CHRAC1: variants seen among roughly 807,000 people sequenced by gnomAD.
CHRAC1 encodes the protein chromatin accessibility complex protein 1.
In CHRAC1, 6 loss-of-function variants were observed where a neutral mutation model predicts 9.1. The observed-to-expected ratio is 0.66, with a 90% confidence interval of 0.36 to 1.29. The LOEUF (loss-of-function observed/expected upper bound fraction) is 1.29. Among genes scored for constraint, CHRAC1 ranks in the 50% most tolerant of loss-of-function variants. CHRAC1 has a pLI of 0.03. For missense variants in CHRAC1, 168 were observed against 163.5 expected (o/e 1.03, Z -0.15); for synonymous variants, 73 against 64.5 (o/e 1.13, Z -0.63).
intron 1 of CHRAC1, chr8:140,512,158 T>G (rs2072283806): frequency 4.1e-6 from 2 of 489,076 alleles, no homozygotes; most frequent in Admixed American, 7.0e-5. Flanking sequence ...CTCATTTGGG[T>G]TCTTTGGGGG....
At chr8:140,514,569 C>G in intron 2 of CHRAC1, 74 bp downstream of exon 2, 1 of 1,285,302 alleles carries the variant, frequency 7.8e-7, no homozygotes, top group Non-Finnish European at 1.0e-6. Flanking sequence ...CCTTGCCTCC[C>G]TTCTGCTCTC....
At position 140,515,305 on chromosome 8, in the gene CHRAC1, C is replaced by T. The variant is rs1020031173; in HGVS notation, c.*58C>T. The T allele has an allele frequency of 6.3e-6, 10 of 1,576,776 alleles. No homozygotes were observed. The highest frequency in any genetic ancestry group is 3.7e-5 in the Admixed American group (2 of 54,166). On this transcript the variant is annotated 3_prime_UTR_variant, in exon 3 of 3. Transcript: ENST00000220913. Reference sequence around the variant, plus strand: ...GACAGCCCTGGACCCACTCCACTGTCTCTAAGTAAACACAGCACTGCCCGC... The same window carrying T: ...GACAGCCCTGGACCCACTCCACTGTTTCTAAGTAAACACAGCACTGCCCGC...
Position 140,514,799 on chromosome 8 carries a change from A to G in CHRAC1, c.274+304A>G, listed in dbSNP as rs2072317355. 3 of 356,552 alleles carry G rather than the reference A, an allele frequency of 8.4e-6. No individual in the cohort carries two copies. In the East Asian group the frequency reaches 1.8e-4, roughly 21 times the overall value. 22.1% of individuals were successfully genotyped at this position (356,552 alleles called of 1,614,324 possible). A position where few individuals can be genotyped will look rare whatever the true frequency, so the allele number is the denominator to read the frequency against. On this transcript the variant is annotated intron_variant, in intron 2 of 2. Coordinates refer to ENST00000220913, the MANE Select transcript of CHRAC1 (RefSeq NM_017444.6). Reference sequence around the variant, plus strand: ...CTGCCTGCCACTGAAGGGAAAACTCAGGGTGGGTCTACATGGCCGTAGTTA... The same window carrying G: ...CTGCCTGCCACTGAAGGGAAAACTCGGGGTGGGTCTACATGGCCGTAGTTA...
At chr8:140,514,610 C>G in intron 2 of CHRAC1, 115 bp downstream of exon 2, 2 of 807,544 alleles carry the variant, frequency 2.5e-6, no homozygotes, top group Non-Finnish European at 3.7e-6. Flanking sequence ...CTACTTTTTC[C>G]AAGCCGCAAA....
At chr8:140,514,857 TATCTC>T (rs1398415804) in intron 2 of CHRAC1, 1 of 387,596 alleles carries the variant, frequency 2.6e-6, no homozygotes, top group African/African-American at 2.1e-5. Context: ...TAGCCTAGGC[TATCTC>T]AGGTAGTCGG....
chr8:140,514,725 T>A, intron 2 of CHRAC1: 1 of 418,954 alleles, frequency 2.4e-6, no homozygotes, highest in Non-Finnish European at 4.2e-6. Flanking sequence ...ATTCACAAGA[T>A]GTTGGTTGGC....
At chr8:140,512,002 C>A (rs1183238380) in intron 1 of CHRAC1, 1 of 1,289,544 alleles carries the variant, frequency 7.8e-7, no homozygotes, top group South Asian at 1.2e-5. Flanking sequence ...CGCCGTTTCT[C>A]TCGCGCTTCC....
chr8:140,514,674 T>G (rs1394700860), intron 2 of CHRAC1, 179 bp downstream of exon 2: 2 of 513,624 alleles, frequency 3.9e-6, no homozygotes, highest in East Asian at 7.4e-5. Flanking sequence ...TTGAATGTGT[T>G]TGTCATGTGG....
At position 140,515,129 on chromosome 8, in the gene CHRAC1, T is replaced by C. The variant is rs756273304; in HGVS notation, c.278T>C (p.Ile93Thr). ...QSETFQFLAD[I>T]LPKKILASKY... ...ATGTACGCTTTATGTTTTTAAGATA[T>C]ATTACCAAAGAAGATTTTAGCTAGT... The change falls in exon 3 of 3, where the codon ATA becomes ACA. Residue 93 changes from isoleucine to threonine, a missense_variant. Ile to Thr is a moderately conservative substitution (Grantham distance 89). Transcript: ENST00000220913. The C allele has an allele frequency of 2.1e-5, 34 of 1,611,678 alleles. No homozygotes were observed. The highest frequency in any genetic ancestry group is 1.7e-4 in the Middle Eastern group (1 of 6,024).
chr8:140,514,240 C>A, intron 1 of CHRAC1, 129 bp from the exon 2 acceptor site: 1 of 1,025,702 alleles, frequency 9.7e-7, no homozygotes, highest in Non-Finnish European at 1.4e-6. Flanking sequence ...ATTTGAGAAA[C>A]CAAGAGAATC....
At position 140,514,226 on chromosome 8, in the gene CHRAC1, T is replaced by C. The variant is rs1241561674; in HGVS notation, c.148-143T>C. On this transcript the variant is annotated intron_variant, in intron 1 of 2. Transcript: ENST00000220913. ...TGGCCTCCCCAGTGATTTCTTGTAA[T>C]TTAATTTGAGAAACCAAGAGAATCT... 7.5e-6 allele frequency: 7 copies of C among 932,624 alleles called. No individual in the cohort carries two copies. In the Admixed American group the frequency reaches 1.1e-4, roughly 15 times the overall value. The allele number at this position is 932,624 out of a possible 1,614,324, so 57.8% of individuals were successfully genotyped here.
chr8:140,513,354 G>A (rs2072300045), intron 1 of CHRAC1, among the ~76,000 whole-genome samples: 1 of 152,252 alleles, frequency 6.6e-6, no homozygotes, highest in African/African-American at 2.4e-5. Context: ...AACCACCTTA[G>A]AAACAGTGTA....
chr8:140,511,934 G>T (rs2072280161), intron 1 of CHRAC1: 4 of 1,243,732 alleles, frequency 3.2e-6, no homozygotes, highest in Non-Finnish European at 4.2e-6. Context: ...GCCTTCCTTC[G>T]CTCCGCCCGC....
At position 140,517,071 on chromosome 8, in the gene CHRAC1, G is replaced by A. The variant is rs2072346776; in HGVS notation, c.*1824G>A. 1 of 152,140 alleles carries A rather than the reference G, an allele frequency of 6.6e-6. No homozygotes were observed. Among genetic ancestry groups the A allele is most frequent in the African/African-American group, 2.4e-5 (1 of 41,416 alleles). 9.4% of individuals were successfully genotyped at this position (152,140 alleles called of 1,614,324 possible). On this transcript the variant is annotated 3_prime_UTR_variant, in exon 3 of 3. Coordinates refer to ENST00000220913, the MANE Select transcript of CHRAC1 (RefSeq NM_017444.6). ...GTTTTGTGTAATTTTCATGTGTCAT[G>A]AAATACTGTTTTCTCCAACCATTTA... is the stretch of plus-strand genomic sequence containing the variant.
rs1486826965 is a variant in CHRAC1 at position 140,516,229 on chromosome 8, C to T, written c.*982C>T. On this transcript the variant is annotated 3_prime_UTR_variant, in exon 3 of 3. Transcript: ENST00000220913. ...GTGGCGCTGTCTCAGCTCACTGCAA[C>T]CTCCGCCTCCCAGGTTCAAGTGATT... 6.6e-6 allele frequency: 1 copy of T among 152,016 alleles called. No homozygotes were observed. Among genetic ancestry groups the T allele is most frequent in the East Asian group, 1.9e-4 (1 of 5,188 alleles). The allele number at this position is 152,016 out of a possible 1,614,324, so 9.4% of individuals were successfully genotyped here.
intron 1 of CHRAC1, 162 bp from the exon 2 acceptor site, chr8:140,514,207 C>T (rs2072311026): frequency 1.3e-6 from 1 of 743,524 alleles, no homozygotes. Context: ...CGCCTGGCCT[C>T]CCCAGTGATT....
intron 1 of CHRAC1, chr8:140,511,975 CCA>C: frequency 7.7e-7 from 1 of 1,295,578 alleles, no homozygotes; most frequent in Middle Eastern, 2.1e-4. Context: ...TTCGCCCCGC[CCA>C]CCCCACTGTC....
Position 140,511,372 on chromosome 8 carries a change from C to G in CHRAC1, c.-128C>G. 1 of 849,750 alleles carries G rather than the reference C, an allele frequency of 1.2e-6. No homozygotes were observed. The highest frequency in any genetic ancestry group is 1.6e-6 in the Non-Finnish European group (1 of 632,106). The allele number at this position is 849,750 out of a possible 1,614,324, so 52.6% of individuals were successfully genotyped here. On this transcript the variant is annotated 5_prime_UTR_variant, in exon 1 of 3. Transcript: ENST00000220913. ...CGGGCCGCTCCCGGCCTCGCGGCCT[C>G]GCCTCCCCACACTACAACTCCCACG...
chr8:140,514,452 A>G lies in CHRAC1; in HGVS notation c.231A>G (p.Leu77=). 1 of 1,578,902 alleles carries G rather than the reference A, an allele frequency of 6.3e-7. No individual in the cohort carries two copies. The highest frequency in any genetic ancestry group is 8.5e-7 in the Non-Finnish European group (1 of 1,169,698). Residue 77 remains leucine, a synonymous_variant, in exon 2 of 3, where the codon TTA becomes TTG. Transcript: ENST00000220913. ...AGAAAGTACTGACTTACAGTGATTT[A>G]GCAAACACTGCACAGCAATCAGAAA... ...KEKKVLTYSD[L]ANTAQQSETF... is the part of the protein sequence containing the mutation.
Sources: gnomAD v4.1 joint callset for allele counts (sites outside exome capture counted in the v4.1 genomes callset) on GRCh38, gnomAD v4.1.1 for gene constraint, MANE v1.5 for transcripts, NCBI Gene and HGNC (gene_info 2026-07-23, HGNC 2026-07-21) for gene names.